TMEM87A: variants seen among roughly 807,000 people sequenced by gnomAD.
TMEM87A encodes transmembrane protein 87A, also known as Golgi-pH regulating cation channel.
A neutral mutation model predicts 90.0 loss-of-function variants in TMEM87A; 50 were observed. The observed-to-expected ratio is 0.56, with a 90% CI of 0.44 to 0.70. TMEM87A has a LOEUF of 0.70. Ranked by LOEUF, TMEM87A falls within the 30% of genes least tolerant of loss-of-function variation. The pLI is 0.00. For missense variants in TMEM87A, 577 were observed against 660.5 expected (o/e 0.87, Z 1.39); for synonymous variants, 226 against 226.7 (o/e 1.00, Z 0.03).
At chr15:42,267,280 A>G (rs75309599) in intron 3 of TMEM87A, among the ~76,000 whole-genome samples, 87 of 152,358 alleles carry the variant, frequency 5.7e-4, no homozygotes, top group Non-Finnish European at 1.0e-3. Context: ...AGATACATTC[A>G]TATCAGTGGA....
chr15:42,233,704 A>G (rs1195566947), intron 10 of TMEM87A, among the ~76,000 whole-genome samples: 6 of 152,112 alleles, frequency 3.9e-5, no homozygotes, highest in East Asian at 3.9e-4. Flanking sequence ...TATCTTTGAT[A>G]TATTTCAGTA....
intron 6 of TMEM87A, among the ~76,000 whole-genome samples, chr15:42,257,432 G>C (rs1299516547): frequency 3.9e-5 from 6 of 152,056 alleles, no homozygotes; most frequent in Admixed American, 2.0e-4. Flanking sequence ...ACAGCCTGAA[G>C]CCCTCACTAG....
At chr15:42,234,630 A>G (rs986721057) in intron 10 of TMEM87A, among the ~76,000 whole-genome samples, 3 of 152,228 alleles carry the variant, frequency 2.0e-5, no homozygotes, top group Non-Finnish European at 4.4e-5. Flanking sequence ...AAAGCACTAT[A>G]AAGTGATGCT....
intron 6 of TMEM87A, chr15:42,258,874 TC>T: frequency 1.3e-6 from 2 of 1,522,726 alleles, no homozygotes; most frequent in Non-Finnish European, 1.8e-6. Context: ...AATCTACTCA[TC>T]CATAAAAGCA....
At chr15:42,240,018 T>C (rs980848152) in intron 7 of TMEM87A, among the ~76,000 whole-genome samples, 3 of 152,194 alleles carry the variant, frequency 2.0e-5, no homozygotes, top group African/African-American at 7.2e-5. Flanking sequence ...CTAGATTGAA[T>C]ATTTCCTCCA....
chr15:42,216,405 T>C (rs1480156494), intron 19 of TMEM87A, among the ~76,000 whole-genome samples: 4 of 152,232 alleles, frequency 2.6e-5, no homozygotes, highest in Non-Finnish European at 5.9e-5. Flanking sequence ...AAAAGCCTTA[T>C]GTATACCTGG....
At chr15:42,251,356 G>T (rs2051081985) in intron 6 of TMEM87A, among the ~76,000 whole-genome samples, 1 of 152,152 alleles carries the variant, frequency 6.6e-6, no homozygotes, top group Admixed American at 6.5e-5. Context: ...TTTCTGCTCT[G>T]GTTTCTCCCC....
Position 42,271,858 on chromosome 15 carries a change from ACAC to A in TMEM87A, c.205+202_205+204del, listed in dbSNP as rs374911358. Among the ~76,000 whole-genome samples, 1,014 of 151,568 alleles carry A rather than the reference ACAC, an allele frequency of 6.7e-3. 12 individuals carry two copies. Among genetic ancestry groups the A allele is most frequent in the Non-Finnish European group, 0.011 (754 of 67,852 alleles). Reference sequence around the variant, plus strand: ...TACATAGTGTATATATGCAATGTAAACACCAGAAAAACAAGAGAAGAAAATAAA... The same window carrying A: ...TACATAGTGTATATATGCAATGTAAACAGAAAAACAAGAGAAGAAAATAAA... On this transcript the variant is annotated intron_variant, in intron 2 of 19. Transcript: ENST00000389834.
At chr15:42,266,462 G>T (rs1267382527) in intron 3 of TMEM87A, among the ~76,000 whole-genome samples, 1 of 151,348 alleles carries the variant, frequency 6.6e-6, no homozygotes, top group East Asian at 1.9e-4. Flanking sequence ...GTTGTGGTGA[G>T]CTGAGATCGC....
intron 1 of TMEM87A, 23 bp from the exon 2 acceptor site, chr15:42,272,146 A>C: frequency 6.3e-7 from 1 of 1,576,088 alleles, no homozygotes; most frequent in African/African-American, 1.4e-5. Context: ...AGGAAAGATA[A>C]TTAGCCTCAG....
intron 6 of TMEM87A, chr15:42,258,132 T>C (rs2140974290): frequency 1.0e-6 from 1 of 977,684 alleles, no homozygotes; most frequent in Non-Finnish European, 1.2e-6. Flanking sequence ...CAAATTGCAA[T>C]GTACTCATAC....
chr15:42,248,797 A>T (rs2051028786), intron 6 of TMEM87A, among the ~76,000 whole-genome samples: 3 of 151,452 alleles, frequency 2.0e-5, no homozygotes, highest in Non-Finnish European at 4.4e-5. Flanking sequence ...TGCTGGCCTC[A>T]TAAAATGAGT....
At chr15:42,273,509 G>A (rs1281942072), upstream of TMEM87A, 2 of 1,515,494 alleles carry the variant, frequency 1.3e-6, no homozygotes, top group East Asian at 2.4e-5. Context: ...GAAACGTCGC[G>A]GAGCTTGTTT....
At chr15:42,222,433 T>C (rs2050508217) in intron 15 of TMEM87A, among the ~76,000 whole-genome samples, 1 of 152,122 alleles carries the variant, frequency 6.6e-6, no homozygotes, top group African/African-American at 2.4e-5. Context: ...GTTCAGGCCC[T>C]CCAGATACCA....
At chr15:42,228,632 C>T (rs990045878) in intron 13 of TMEM87A, 80 bp downstream of exon 13, 34 of 1,205,626 alleles carry the variant, frequency 2.8e-5, no homozygotes, top group Non-Finnish European at 3.9e-5. Context: ...CTTTCTATGT[C>T]CACCCATGGC....
intron 3 of TMEM87A, among the ~76,000 whole-genome samples, chr15:42,264,683 G>GTATATATATATATATATA (rs1555409716): frequency 5.2e-5 from 6 of 116,380 alleles, no homozygotes; most frequent in African/African-American, 1.8e-4. Context: ...ATATGTGTGT[G>GTATATATATATATATATA]TATATATATA....
Position 42,226,399 on chromosome 15 carries a change from A to C in TMEM87A, c.1403+407T>G, listed in dbSNP as rs1289064632. Among the ~76,000 whole-genome samples, 3 of 151,840 alleles carry C rather than the reference A, an allele frequency of 2.0e-5. No individual in the cohort carries two copies. The East Asian group carries it at 5.8e-4, about 29-fold the overall frequency. On this transcript the variant is annotated intron_variant, in intron 15 of 19. Coordinates refer to ENST00000389834, the MANE Select transcript of TMEM87A (RefSeq NM_015497.5). ...AATGCTATTGCACACATAGTAGACTACAGAATAGTGTAAACATAACTTTGA... is the reference window on the plus strand; with the variant it reads ...AATGCTATTGCACACATAGTAGACTCCAGAATAGTGTAAACATAACTTTGA...
intron 2 of TMEM87A, among the ~76,000 whole-genome samples, chr15:42,269,018 T>G (rs1385562353): frequency 6.6e-6 from 1 of 152,086 alleles, no homozygotes; most frequent in East Asian, 1.9e-4. Flanking sequence ...TCAGATTTTT[T>G]TTTTCAAAGC....
At chr15:42,268,407 C>A (rs1470675677) in intron 2 of TMEM87A, among the ~76,000 whole-genome samples, 1 of 152,220 alleles carries the variant, frequency 6.6e-6, no homozygotes, top group African/African-American at 2.4e-5. Flanking sequence ...GTAGCTCACA[C>A]CTATAACCCC....
Sources: gnomAD v4.1 joint callset for allele counts (sites outside exome capture counted in the v4.1 genomes callset) on GRCh38, gnomAD v4.1.1 for gene constraint, MANE v1.5 for transcripts, NCBI Gene and HGNC (gene_info 2026-07-23, HGNC 2026-07-21) for gene names.